Variants in TBCE observed in about 807,000 individuals in gnomAD.
The protein encoded by TBCE is tubulin-specific chaperone E.
In TBCE, 53 loss-of-function variants were observed where a neutral mutation model predicts 77.0. The ratio of observed to expected loss-of-function variants is 0.69; its 90% confidence interval spans 0.55 to 0.87. The LOEUF (loss-of-function observed/expected upper bound fraction) is 0.87. Among genes scored for constraint, TBCE ranks in the 40% least tolerant of loss-of-function variants. The pLI is 0.00. For synonymous variants in TBCE, 235 were observed against 241.3 expected, an observed-to-expected ratio of 0.97 and a Z score of 0.24; for missense variants, 624 against 622.4, an observed-to-expected ratio of 1.00 and a Z score of -0.03.
intron 7 of TBCE, chr1:235,433,577 A>C (rs1681231231): frequency 6.5e-6 from 1 of 153,612 alleles, no homozygotes; most frequent in African/African-American, 2.4e-5. Context: ...CTGGTCTCCA[A>C]CTCCTGACCT....
chr1:235,379,959 A>T, intron 1 of TBCE, 60 bp from the exon 2 acceptor site: 1 of 1,236,016 alleles, frequency 8.1e-7, no homozygotes, highest in Non-Finnish European at 1.2e-6. Flanking sequence ...AAAAAAAAAA[A>T]AAAAATTCCT....
intron 14 of TBCE, among the ~76,000 whole-genome samples, chr1:235,442,422 G>A (rs536034401): frequency 6.6e-4 from 101 of 152,234 alleles, no homozygotes; most frequent in African/African-American, 2.3e-3. Flanking sequence ...CACCCGCCTC[G>A]GCCTCCCAAA....
chr1:235,383,219 C>A (rs1458909518), intron 2 of TBCE, among the ~76,000 whole-genome samples: 1 of 150,622 alleles, frequency 6.6e-6, no homozygotes, highest in South Asian at 2.1e-4. Flanking sequence ...GTTACTGTAG[C>A]CTTGTAGTAT....
Position 235,435,767 on chromosome 1 carries a change from G to A in TBCE, c.760G>A (p.Val254Ile). ...CAGGCCAACAGATGTTCTCCAGACAGTCAAGTTATTAGATCTTTCCTCTAA... is the reference window on the plus strand; with the variant it reads ...CAGGCCAACAGATGTTCTCCAGACAATCAAGTTATTAGATCTTTCCTCTAA... ...SERPTDVLQTVKLLDLSSNQL... is the reference protein window; with the variant it reads ...SERPTDVLQTIKLLDLSSNQL... The change falls in exon 9 of 17, where the codon GTC becomes ATC. Residue 254 changes from valine (V) to isoleucine (I), a missense_variant. By Grantham distance (29) the Val-to-Ile change is conservative (BLOSUM62 3). Transcript: ENST00000642610. 1.2e-6 allele frequency: 2 copies of A among 1,614,132 alleles called. No homozygotes were observed. The highest frequency in any genetic ancestry group is 1.7e-6 in the Non-Finnish European group (2 of 1,180,004).
intron 2 of TBCE, among the ~76,000 whole-genome samples, chr1:235,382,277 G>A (rs1166779361): frequency 1.3e-5 from 2 of 151,878 alleles, no homozygotes; most frequent in Admixed American, 6.6e-5. Flanking sequence ...ATAAACATAC[G>A]TGTGCATGTG....
At chr1:235,441,091 G>A (rs1318937405) in intron 13 of TBCE, 2 of 152,636 alleles carry the variant, frequency 1.3e-5, no homozygotes, top group African/African-American at 2.4e-5. Context: ...CACGCTCGGT[G>A]AATTCTAAAT....
At position 235,424,325 on chromosome 1, in the gene TBCE, TTTTTTTTTTTTTTTTTTGGAGATGGAG is replaced by T. The variant is rs1469993652; in HGVS notation, c.461-2813_461-2787del. Among the ~76,000 whole-genome samples the T allele has an allele frequency of 4.8e-5, 7 of 147,152 alleles. No individual in the cohort carries two copies. The East Asian group carries it at 9.8e-4, about 21-fold the overall frequency. ...GTTATTACTGGATCTTAGAGCTCTT[TTTTTTTTTTTTTTTTTTGGAGATGGAG>T]TCTTGCTCTTTCACTGGGCTGGAGT... On this transcript the variant is annotated intron_variant, in intron 5 of 16. Coordinates refer to ENST00000642610, the MANE Select transcript of TBCE (RefSeq NM_003193.5).
intron 13 of TBCE, among the ~76,000 whole-genome samples, chr1:235,440,259 C>T (rs550430741): frequency 4.6e-5 from 7 of 152,152 alleles, no homozygotes; most frequent in African/African-American, 7.2e-5. Context: ...CGTGAGCCAC[C>T]GCGCCCAGCC....
At chr1:235,438,154 C>G (rs1681582917) in intron 12 of TBCE, among the ~76,000 whole-genome samples, 1 of 152,258 alleles carries the variant, frequency 6.6e-6, no homozygotes, top group South Asian at 2.1e-4. Flanking sequence ...GGGAGTCAGT[C>G]AGCTCCACCA....
intron 3 of TBCE, among the ~76,000 whole-genome samples, chr1:235,407,926 C>T (rs111891745): frequency 4.1e-4 from 63 of 152,094 alleles, no homozygotes; most frequent in African/African-American, 1.2e-3. Context: ...CTGAACAGAG[C>T]TGTGTGTGTC....
intron 1 of TBCE, among the ~76,000 whole-genome samples, chr1:235,378,692 C>A (rs188310262): frequency 6.6e-6 from 1 of 151,992 alleles, no homozygotes; most frequent in South Asian, 2.1e-4. Context: ...ACTAAAAATT[C>A]AAAAATTAGC....
intron 4 of TBCE, 175 bp from the exon 5 acceptor site, chr1:235,419,298 G>A (rs1680262706): frequency 4.5e-6 from 4 of 898,300 alleles, no homozygotes; most frequent in Non-Finnish European, 6.9e-6. Context: ...TGTAATATTT[G>A]TAGTGCTCTT....
chr1:235,430,682 T>C, intron 6 of TBCE, 23 bp from the exon 7 acceptor site: 2 of 1,544,840 alleles, frequency 1.3e-6, no homozygotes, highest in Non-Finnish European at 1.8e-6. Context: ...AATAAGTACA[T>C]TGTATCTTTT....
intron 15 of TBCE, among the ~76,000 whole-genome samples, chr1:235,445,235 T>C (rs938912263): frequency 3.9e-5 from 6 of 152,232 alleles, no homozygotes; most frequent in African/African-American, 1.4e-4. Flanking sequence ...GTTTCTCAAA[T>C]GTGCACTCAC....
rs534933199 is a variant in TBCE at position 235,370,252 on chromosome 1, C to CT, written c.-32+2765dup. Among the ~76,000 whole-genome samples, 827 of 132,846 alleles carry CT rather than the reference C, an allele frequency of 6.2e-3. 14 individuals carry two copies. Among genetic ancestry groups the CT allele is most frequent in the African/African-American group, 0.015 (537 of 35,614 alleles). 87.2% of individuals were successfully genotyped at this position (132,846 alleles called of 152,430 possible). A position where few individuals can be genotyped will look rare whatever the true frequency, so the allele number is the denominator to read the frequency against. The stretch of plus-strand genomic sequence containing the variant: ...TTTCTGTTTTGTTTACTGCTGTATT[C>CT]TTTTTTTTTTTTTTTTTCTGAGACG... On this transcript the variant is annotated intron_variant, in intron 1 of 16. Coordinates refer to ENST00000642610, the MANE Select transcript of TBCE (RefSeq NM_003193.5).
intron 11 of TBCE, 78 bp from the exon 12 acceptor site, chr1:235,437,244 T>C (rs1354398798): frequency 1.2e-5 from 19 of 1,583,026 alleles, no homozygotes; most frequent in Non-Finnish European, 1.6e-5. Context: ...GGACATGCTT[T>C]CCTGTTGCTG....
At chr1:235,404,264 A>G (rs1679287813) in intron 3 of TBCE, among the ~76,000 whole-genome samples, 1 of 147,608 alleles carries the variant, frequency 6.8e-6, no homozygotes, top group South Asian at 2.2e-4. Context: ...GTGACAGAGC[A>G]AGACTCCGGC....
In TBCE at chr1:235,448,790, C is replaced by T. The variant is rs905561514; in HGVS notation, c.*28C>T. 1.4e-6 allele frequency: 2 copies of T among 1,468,026 alleles called. No individual in the cohort carries two copies. Among genetic ancestry groups the T allele is most frequent in the African/African-American group, 2.8e-5 (2 of 71,948 alleles). 90.9% of individuals were successfully genotyped at this position (1,468,026 alleles called of 1,614,324 possible). A position where few individuals can be genotyped will look rare whatever the true frequency, so the allele number is the denominator to read the frequency against. On this transcript the variant is annotated 3_prime_UTR_variant, in exon 17 of 17. Coordinates refer to ENST00000642610, the MANE Select transcript of TBCE (RefSeq NM_003193.5). Reference sequence around the variant, plus strand: ...ACCAACTAATAAAATTTAAAGACCACACTGCTTATCGTGTCTGGGGTTCAC... The same window carrying T: ...ACCAACTAATAAAATTTAAAGACCATACTGCTTATCGTGTCTGGGGTTCAC...
intron 3 of TBCE, among the ~76,000 whole-genome samples, chr1:235,410,876 G>A (rs890341992): frequency 6.6e-6 from 1 of 152,198 alleles, no homozygotes; most frequent in South Asian, 2.1e-4. Flanking sequence ...TATGGCGAAG[G>A]CCATTCATAA....
Sources: gnomAD v4.1 joint callset for allele counts (sites outside exome capture counted in the v4.1 genomes callset) on GRCh38, gnomAD v4.1.1 for gene constraint, MANE v1.5 for transcripts, NCBI Gene and HGNC (gene_info 2026-07-23, HGNC 2026-07-21) for gene names.